Variants in DIPK1A observed in about 807,000 individuals in gnomAD.
DIPK1A encodes family with sequence similarity 69 member A.
DIPK1A carries 27 observed loss-of-function variants against 40.8 expected under a neutral mutation model. The observed-to-expected ratio is 0.66, with a 90% confidence interval of 0.49 to 0.91. The LOEUF is 0.91. Among genes scored for constraint, DIPK1A ranks in the 40% least tolerant of loss-of-function variants. The pLI, the probability that DIPK1A is intolerant of heterozygous loss-of-function variation, is 0.00. For missense variants in DIPK1A, 412 were observed against 505.7 expected (o/e 0.81, Z 1.78); for synonymous variants, 166 against 171.3 (o/e 0.97, Z 0.24).
chr1:92,956,129 T>C (rs754527749), intron 1 of DIPK1A, among the ~76,000 whole-genome samples: 1 of 152,116 alleles, frequency 6.6e-6, no homozygotes, highest in Admixed American at 6.5e-5. Flanking sequence ...ATGGGAAATC[T>C]CTCTGCATTC....
chr1:92,873,883 T>C (rs532936641), intron 2 of DIPK1A, among the ~76,000 whole-genome samples: 5 of 152,264 alleles, frequency 3.3e-5, no homozygotes, highest in African/African-American at 1.2e-4. Context: ...GGCTAAAATA[T>C]ACTTTAACAA....
chr1:92,836,693 C>T (rs1571030308), intron 4 of DIPK1A: 1 of 335,230 alleles, frequency 3.0e-6, no homozygotes, highest in South Asian at 3.2e-5. Flanking sequence ...GCAACTCCAT[C>T]CTCTTTCCCC....
intron 1 of DIPK1A, among the ~76,000 whole-genome samples, chr1:92,919,066 ACT>A (rs1424408360): frequency 1.3e-5 from 2 of 151,894 alleles, no homozygotes; most frequent in Non-Finnish European, 1.5e-5. Flanking sequence ...CCTGCTCTAA[ACT>A]CTCTGTGTGG....
chr1:92,858,908 T>C (rs536376077), intron 2 of DIPK1A, among the ~76,000 whole-genome samples: 1 of 152,314 alleles, frequency 6.6e-6, no homozygotes, highest in Non-Finnish European at 1.5e-5. Flanking sequence ...ACAGAAATTA[T>C]AGAGAATGTT....
At chr1:92,867,237 G>A (rs1248557323) in intron 2 of DIPK1A, among the ~76,000 whole-genome samples, 1 of 99,890 alleles carries the variant, frequency 1.0e-5, no homozygotes, top group Non-Finnish European at 1.9e-5. Context: ...TTTTTTTTTA[G>A]TAGAGTTGGG....
chr1:92,856,125 AC>A (rs1687978618), intron 2 of DIPK1A, among the ~76,000 whole-genome samples: 1 of 152,134 alleles, frequency 6.6e-6, no homozygotes, highest in Non-Finnish European at 1.5e-5. Flanking sequence ...TGAAAACTTT[AC>A]CAAAAAAGAT....
intron 1 of DIPK1A, chr1:92,876,965 G>A: frequency 1.0e-6 from 1 of 984,480 alleles, no homozygotes; most frequent in East Asian, 1.1e-4. Context: ...ATTCACCAGG[G>A]CTTTATGTTC....
chr1:92,849,348 GTTTTTTTT>G (rs71586765), intron 3 of DIPK1A, among the ~76,000 whole-genome samples: 1 of 144,376 alleles, frequency 6.9e-6, no homozygotes, highest in African/African-American at 2.6e-5. Flanking sequence ...GTTTTTTTTT[GTTTTTTTT>G]TTTTTTTTTG....
At chr1:92,860,898 A>C (rs2100746565) in intron 2 of DIPK1A, among the ~76,000 whole-genome samples, 1 of 152,350 alleles carries the variant, frequency 6.6e-6, no homozygotes, top group East Asian at 1.9e-4. Flanking sequence ...AAAATGTTTT[A>C]TGACTGAATA....
chr1:92,954,363 T>C (rs1378182186), intron 1 of DIPK1A, among the ~76,000 whole-genome samples: 1 of 106,056 alleles, frequency 9.4e-6, no homozygotes, highest in Non-Finnish European at 1.8e-5. Context: ...CACTTTATCT[T>C]TTCTTTCTTT....
chr1:92,864,420 C>T (rs1233150594), intron 2 of DIPK1A, among the ~76,000 whole-genome samples: 1 of 152,114 alleles, frequency 6.6e-6, no homozygotes, highest in Non-Finnish European at 1.5e-5. Context: ...CAAAGGTTTG[C>T]TAGAGTAATG....
At chr1:92,836,449 C>A in intron 4 of DIPK1A, 1 of 1,476,866 alleles carries the variant, frequency 6.8e-7, no homozygotes, top group Non-Finnish European at 9.5e-7. Context: ...CTGTTTTTAA[C>A]TAGTTGGACT....
rs869037202 is a variant in DIPK1A at position 92,916,302 on chromosome 1, C to CT, written c.55-39873dup. ...AATGATCAGATTTGATCCTTTTTTT[C>CT]TTTTTTTTTTTTTTTTGAGACGGAG... On this transcript the variant is annotated intron_variant, in intron 1 of 4. Coordinates refer to ENST00000370310, the MANE Select transcript of DIPK1A (RefSeq NM_001006605.5). Among the ~76,000 whole-genome samples the CT allele has an allele frequency of 8.1e-3, 1,096 of 134,704 alleles. 6 individuals carry two copies. The highest frequency in any genetic ancestry group is 0.019 in the African/African-American group (714 of 36,734). 88.4% of individuals were successfully genotyped at this position (134,704 alleles called of 152,430 possible).
At chr1:92,847,113 G>A in intron 4 of DIPK1A, 70 bp downstream of exon 4, 2 of 969,020 alleles carry the variant, frequency 2.1e-6, no homozygotes, top group Non-Finnish European at 2.9e-6. Context: ...TAATGGCTTA[G>A]GATGAGGTCC....
chr1:92,960,455 G>C (rs183118580), intron 1 of DIPK1A, among the ~76,000 whole-genome samples: 1 of 152,232 alleles, frequency 6.6e-6, no homozygotes, highest in African/African-American at 2.4e-5. Flanking sequence ...GCTGACCCAC[G>C]CAAGGCATTG....
intron 1 of DIPK1A, among the ~76,000 whole-genome samples, chr1:92,885,414 G>C (rs1198323305): frequency 6.6e-6 from 1 of 152,044 alleles, no homozygotes; most frequent in Non-Finnish European, 1.5e-5. Context: ...TGTCTCCCAG[G>C]CTGGAGTCTC....
chr1:92,909,003 T>C (rs1047046138), intron 1 of DIPK1A, among the ~76,000 whole-genome samples: 1 of 152,204 alleles, frequency 6.6e-6, no homozygotes, highest in African/African-American at 2.4e-5. Flanking sequence ...TTTCCATCTA[T>C]TAATAATTTT....
At position 92,834,161 on chromosome 1, in the gene DIPK1A, A is replaced by G. The variant is rs186233914; in HGVS notation, c.475-1127T>C. Among the ~76,000 whole-genome samples the G allele has an allele frequency of 3.3e-3, 502 of 152,324 alleles. 3 individuals are homozygous for G. Among genetic ancestry groups the G allele is most frequent in the African/African-American group, 0.011 (472 of 41,562 alleles). On this transcript the variant is annotated intron_variant, in intron 4 of 4. Transcript: ENST00000615519. ...AGAAGTTCTTGCCCATCCCAATTCC[A>G]GTAGAAGAATAGGGTTTGTCCTGAT...
intron 3 of DIPK1A, among the ~76,000 whole-genome samples, chr1:92,849,162 A>G (rs997907814): frequency 6.6e-6 from 1 of 152,056 alleles, no homozygotes; most frequent in Non-Finnish European, 1.5e-5. Context: ...ACATCCTCTA[A>G]AGCACTTCTC....
Sources: allele counts gnomAD v4.1 joint callset (sites outside exome capture counted in the v4.1 genomes callset), GRCh38; gene constraint gnomAD v4.1.1; transcripts MANE v1.5; gene names NCBI Gene and HGNC (gene_info 2026-07-23, HGNC 2026-07-21).